TEX264: variants seen among roughly 807,000 people sequenced by gnomAD.
TEX264 encodes testis expressed 264, ER-phagy receptor, also known as testis-expressed protein 264.
A neutral mutation model predicts 23.4 loss-of-function variants in TEX264; 13 were observed. The ratio of observed to expected loss-of-function variants is 0.56; its 90% CI spans 0.36 to 0.88. The LOEUF (loss-of-function observed/expected upper bound fraction) is 0.88. Ranked by LOEUF, TEX264 falls within the 40% of genes least tolerant of loss-of-function variation. The pLI is 0.01. For missense variants in TEX264, 340 were observed against 406.8 expected (o/e 0.84, Z 1.41); for synonymous variants, 159 against 170.0 (o/e 0.94, Z 0.50).
chr3:51,699,134 G>GACCAAAA (rs1703183666), intron 3 of TEX264, among the ~76,000 whole-genome samples: 1 of 152,200 alleles, frequency 6.6e-6, no homozygotes, highest in Non-Finnish European at 1.5e-5. Context: ...ACACATAGGA[G>GACCAAAA]AGCAGTGCCA....
chr3:51,684,666 G>A (rs1213537264), intron 3 of TEX264, 32 bp downstream of exon 3: 2 of 1,606,868 alleles, frequency 1.2e-6, no homozygotes, highest in African/African-American at 1.3e-5. Context: ...TGTGTGTTGG[G>A]GACAGCCAGG....
intron 3 of TEX264, among the ~76,000 whole-genome samples, chr3:51,690,557 C>CA (rs1301569354): frequency 0.041 from 2,252 of 55,494 alleles, 37 homozygotes; most frequent in Middle Eastern, 0.14. Context: ...GACTCCGTCT[C>CA]AAAAAAAAAA....
chr3:51,674,191 G>C, intron 1 of TEX264, 80 bp from the exon 2 acceptor site: 1 of 1,506,062 alleles, frequency 6.6e-7, no homozygotes, highest in Non-Finnish European at 9.1e-7. Context: ...GAGGAGGTTG[G>C]GCCAGAACTG....
chr3:51,672,642 A>C (rs1190717139), intron 1 of TEX264, among the ~76,000 whole-genome samples: 1 of 152,140 alleles, frequency 6.6e-6, no homozygotes. Flanking sequence ...GAGGAGAGAG[A>C]AAGTGGAAAT....
chr3:51,682,646 A>G (rs1214443241), intron 2 of TEX264: 1 of 152,156 alleles, frequency 6.6e-6, no homozygotes, highest in Non-Finnish European at 1.5e-5. Flanking sequence ...GCAGTTCTGT[A>G]AGTAGATATT....
At chr3:51,694,035 CTTCCTTCCTT>C (rs1702939056) in intron 3 of TEX264, among the ~76,000 whole-genome samples, 1 of 132,868 alleles carries the variant, frequency 7.5e-6, no homozygotes, top group African/African-American at 3.1e-5. Context: ...TCCTTCCTTC[CTTCCTTCCTT>C]CCTCCCTTCC....
chr3:51,697,809 A>G (rs564495015), intron 3 of TEX264, among the ~76,000 whole-genome samples: 12 of 152,190 alleles, frequency 7.9e-5, no homozygotes, highest in Non-Finnish European at 1.3e-4. Flanking sequence ...TAGAGAAGCA[A>G]AGACAGCCAT....
Position 51,703,883 on chromosome 3 carries a change from G to A in TEX264, c.809G>A (p.Gly270Asp). 4 of 1,612,200 alleles carry A rather than the reference G, an allele frequency of 2.5e-6. No individual in the cohort carries two copies. Among genetic ancestry groups the A allele is most frequent in the Non-Finnish European group, 3.4e-6 (4 of 1,178,762 alleles). ...AGCTACAGCGAGTCAGGTGCCAGCG[G>A]CTCCTCTTTTGAGGAGCTGGACTTG... The part of the protein sequence containing the change: ...EHSYSESGAS[G>D]SSFEELDLEG... The change falls in exon 5 of 5, where the codon GGC becomes GAC. Residue 270 changes from glycine (G) to aspartate (D), a missense_variant. By Grantham distance (94) the Gly-to-Asp change is moderately conservative. Transcript: ENST00000341333. This position sits in a 1 kb window ranked among gnomAD's most constrained non-coding sequence, Gnocchi z 4.8.
chr3:51,687,201 C>G (rs1052478359), intron 3 of TEX264, among the ~76,000 whole-genome samples: 1 of 152,188 alleles, frequency 6.6e-6, no homozygotes, highest in African/African-American at 2.4e-5. Context: ...AGATAGAGGC[C>G]GGCTGCCCAC....
chr3:51,671,260 A>G lies in TEX264; in HGVS notation c.-63A>G, dbSNP rs992555235. The G allele has an allele frequency of 6.6e-6, 1 of 152,062 alleles. No homozygotes were observed. The highest frequency in any genetic ancestry group is 1.9e-4 in the East Asian group (1 of 5,156). The allele number at this position is 152,062 out of a possible 1,614,324, so 9.4% of individuals were successfully genotyped here. On this transcript the variant is annotated 5_prime_UTR_variant, in exon 1 of 5. Transcript: ENST00000341333. ...ACCGAACCCTGAGCCGCCTGCGCGGATCGGCGTCCGCAGCGGGCGGCTGCT... is the reference window on the plus strand; with the variant it reads ...ACCGAACCCTGAGCCGCCTGCGCGGGTCGGCGTCCGCAGCGGGCGGCTGCT...
chr3:51,692,819 A>T (rs755331014), intron 3 of TEX264, among the ~76,000 whole-genome samples: 10 of 152,238 alleles, frequency 6.6e-5, no homozygotes, highest in Non-Finnish European at 1.3e-4. Context: ...CAATGGGATC[A>T]GGGCTGACTC....
At chr3:51,687,852 A>G (rs929807888) in intron 3 of TEX264, among the ~76,000 whole-genome samples, 4 of 152,152 alleles carry the variant, frequency 2.6e-5, no homozygotes, top group African/African-American at 9.7e-5. Flanking sequence ...CCTGAAGTTC[A>G]CGGCGAGAGG....
rs1702616771 is a variant in TEX264 at position 51,686,276 on chromosome 3, G to A, written c.480+1642G>A. 6.6e-6 allele frequency among the ~76,000 whole-genome samples: 1 copy of A among 152,232 alleles called. No individual in the cohort carries two copies. The highest frequency in any genetic ancestry group is 1.5e-5 in the Non-Finnish European group (1 of 68,050). ...CCTGTGGCAGCAAAGGCTGCGCAGA[G>A]GGCGTGGCCAGTGTGGCAGGGGTCA... On this transcript the variant is annotated intron_variant, in intron 3 of 4. Coordinates refer to ENST00000341333, the MANE Select transcript of TEX264 (RefSeq NM_015926.6). The surrounding 1 kb of genome is among the most constrained non-coding windows in gnomAD (Gnocchi z 4.1).
At chr3:51,692,568 T>C (rs1702867909) in intron 3 of TEX264, among the ~76,000 whole-genome samples, 1 of 152,184 alleles carries the variant, frequency 6.6e-6, no homozygotes, top group Non-Finnish European at 1.5e-5. Context: ...AATTCCTGAC[T>C]CCTCTGGCTC....
At chr3:51,680,582 C>T (rs1702393209) in intron 2 of TEX264, among the ~76,000 whole-genome samples, 1 of 152,226 alleles carries the variant, frequency 6.6e-6, no homozygotes. Context: ...AGGACACATC[C>T]TGGATGGGCT....
rs1388198310 is a variant in TEX264 at position 51,703,413 on chromosome 3, G to C, written c.650-311G>C. On this transcript the variant is annotated intron_variant, in intron 4 of 4. Coordinates refer to ENST00000341333, the MANE Select transcript of TEX264 (RefSeq NM_015926.6). The surrounding 1 kb of genome is among the most constrained non-coding windows in gnomAD (Gnocchi z 4.8). Reference sequence around the variant, plus strand: ...CTGAGTGGCCCTTAATAAATGTGGGGGGAGGGCAGCAGGCTTTGTGGAAGT... The same window carrying C: ...CTGAGTGGCCCTTAATAAATGTGGGCGGAGGGCAGCAGGCTTTGTGGAAGT... 6.6e-6 allele frequency among the ~76,000 whole-genome samples: 1 copy of C among 152,180 alleles called. No individual in the cohort carries two copies. The highest frequency in any genetic ancestry group is 1.9e-4 in the East Asian group (1 of 5,188).
chr3:51,674,421 G>A lies in TEX264; in HGVS notation c.117G>A (p.Gly39=), dbSNP rs1231740526. 1 of 1,614,186 alleles carries A rather than the reference G, an allele frequency of 6.2e-7. No homozygotes were observed. Among genetic ancestry groups the A allele is most frequent in the Non-Finnish European group, 8.5e-7 (1 of 1,180,032 alleles). Residue 39 remains glycine, a synonymous_variant, in exon 2 of 5, where the codon GGG becomes GGA. Coordinates refer to ENST00000341333, the MANE Select transcript of TEX264 (RefSeq NM_015926.6). ...GLLAGVEVSA[G]SPPIRNVTVA... ...TGGCTGGGGTGGAAGTGAGTGCTGG[G>A]TCACCCCCCATCCGCAACGTCACTG...
At chr3:51,679,975 G>A (rs1702365122) in intron 2 of TEX264, among the ~76,000 whole-genome samples, 1 of 152,144 alleles carries the variant, frequency 6.6e-6, no homozygotes, top group Admixed American at 6.5e-5. Context: ...CACCTAGGAG[G>A]GCAAACGAGG....
chr3:51,678,304 G>A (rs777578195), intron 2 of TEX264, among the ~76,000 whole-genome samples: 110 of 152,318 alleles, frequency 7.2e-4, no homozygotes, highest in Non-Finnish European at 9.6e-4. Flanking sequence ...ATCCTGGCCA[G>A]CTCTGGCCTG....
Sources: allele counts gnomAD v4.1 joint callset (sites outside exome capture counted in the v4.1 genomes callset), GRCh38; gene constraint gnomAD v4.1.1; non-coding constraint Gnocchi (gnomAD v3.1); transcripts MANE v1.5; gene names NCBI Gene and HGNC (gene_info 2026-07-23, HGNC 2026-07-21).